The following NKAIN2 variants were observed in gnomAD, a reference collection of about 807,000 sequenced individuals.
NKAIN2 encodes the protein sodium/potassium transporting ATPase interacting 2.
In NKAIN2, 14 loss-of-function variants were observed where a neutral mutation model predicts 32.6. The ratio of observed to expected loss-of-function variants is 0.43; its 90% CI spans 0.28 to 0.67. NKAIN2 has a LOEUF of 0.67. Ranked by LOEUF, NKAIN2 falls within the 30% of genes least tolerant of loss-of-function variation. The pLI is 0.17. For missense variants in NKAIN2, 198 were observed against 258.3 expected, an observed-to-expected ratio of 0.77 and a Z score of 1.60; for synonymous variants, 80 against 87.2, an observed-to-expected ratio of 0.92 and a Z score of 0.46.
chr6:124,654,318 GTAAT>G (rs893070608), intron 3 of NKAIN2, among the ~76,000 whole-genome samples: 14 of 151,894 alleles, frequency 9.2e-5, no homozygotes, highest in Non-Finnish European at 2.9e-5. Context: ...GATTTTCTAA[GTAAT>G]AAATAATATA....
At chr6:124,152,779 G>A (rs1057402598) in intron 1 of NKAIN2, among the ~76,000 whole-genome samples, 1 of 151,936 alleles carries the variant, frequency 6.6e-6, no homozygotes, top group Non-Finnish European at 1.5e-5. Context: ...TGGATGAATG[G>A]AAATAGAAAA....
intron 3 of NKAIN2, among the ~76,000 whole-genome samples, chr6:124,533,959 T>C (rs1337223585): frequency 6.6e-6 from 1 of 152,018 alleles, no homozygotes; most frequent in Non-Finnish European, 1.5e-5. Context: ...TTCATGAGGA[T>C]TTCACCATCA....
At chr6:124,544,687 G>C (rs1329546928) in intron 3 of NKAIN2, among the ~76,000 whole-genome samples, 1 of 151,922 alleles carries the variant, frequency 6.6e-6, no homozygotes. Context: ...GATGATGTCT[G>C]ATTAAATACA....
At chr6:124,037,865 G>A (rs554389355) in intron 1 of NKAIN2, among the ~76,000 whole-genome samples, 20 of 152,242 alleles carry the variant, frequency 1.3e-4, no homozygotes, top group African/African-American at 4.6e-4. Context: ...AAAGCGGAAA[G>A]GTAGTATAAG....
At chr6:124,174,822 G>A (rs2114516594) in intron 1 of NKAIN2, among the ~76,000 whole-genome samples, 1 of 152,272 alleles carries the variant, frequency 6.6e-6, no homozygotes. Flanking sequence ...GGAAAAAATA[G>A]TTTAGTGACA....
At chr6:124,660,043 G>T (rs1451342142) in intron 4 of NKAIN2, among the ~76,000 whole-genome samples, 5 of 152,038 alleles carry the variant, frequency 3.3e-5, no homozygotes, top group African/African-American at 1.2e-4. Context: ...GATGGAAGTA[G>T]CCATTTCATT....
intron 1 of NKAIN2, among the ~76,000 whole-genome samples, chr6:124,003,198 A>C (rs146357641): frequency 2.3e-4 from 35 of 152,370 alleles, no homozygotes; most frequent in African/African-American, 7.9e-4. Flanking sequence ...AAGTGGTAAC[A>C]TTGGGGATGG....
chr6:123,993,165 T>A (rs1779483342), intron 1 of NKAIN2, among the ~76,000 whole-genome samples: 1 of 152,222 alleles, frequency 6.6e-6, no homozygotes, highest in East Asian at 1.9e-4. Flanking sequence ...ATTAACTTTC[T>A]TAATAGAATT....
intron 2 of NKAIN2, among the ~76,000 whole-genome samples, chr6:124,348,728 A>C (rs1453417403): frequency 6.6e-6 from 1 of 152,180 alleles, no homozygotes; most frequent in Non-Finnish European, 1.5e-5. Flanking sequence ...CTCACTAGGG[A>C]GTGCCAGACA....
chr6:124,515,092 T>C (rs1284964054), intron 3 of NKAIN2, among the ~76,000 whole-genome samples: 1 of 152,162 alleles, frequency 6.6e-6, no homozygotes, highest in African/African-American at 2.4e-5. Flanking sequence ...AGCACAGATA[T>C]TTCAGAGAGA....
chr6:124,033,761 T>G (rs1562320320), intron 1 of NKAIN2, among the ~76,000 whole-genome samples: 1 of 152,158 alleles, frequency 6.6e-6, no homozygotes, highest in Non-Finnish European at 1.5e-5. Flanking sequence ...ATGCACTGAA[T>G]GCATGGTCTT....
chr6:124,813,157 T>G (rs1780983701), intron 5 of NKAIN2, among the ~76,000 whole-genome samples: 1 of 152,084 alleles, frequency 6.6e-6, no homozygotes, highest in African/African-American at 2.4e-5. Flanking sequence ...ATGAACTAAA[T>G]CTTGAAGGAT....
At position 123,878,150 on chromosome 6, in the gene NKAIN2, C is replaced by T. The variant is rs575052885; in HGVS notation, c.54+73896C>T. On this transcript the variant is annotated intron_variant, in intron 1 of 6. Coordinates refer to ENST00000368417, the MANE Select transcript of NKAIN2 (RefSeq NM_001040214.3). ...CTGATGCAGGAGAATTGCTTGAACC[C>T]GGGAGGCGGAGGTTGTGGTGAGCTG... Among the ~76,000 whole-genome samples the T allele has an allele frequency of 1.8e-4, 28 of 151,790 alleles. No homozygotes were observed. In the South Asian group the frequency reaches 5.4e-3, roughly 29 times the overall value.
At chr6:124,305,030 A>G (rs533580984) in intron 2 of NKAIN2, among the ~76,000 whole-genome samples, 14 of 152,240 alleles carry the variant, frequency 9.2e-5, no homozygotes, top group Non-Finnish European at 1.8e-4. Flanking sequence ...GGAATCCGAG[A>G]TGATGAAGGA....
At chr6:123,957,778 C>A (rs1488538077) in intron 1 of NKAIN2, among the ~76,000 whole-genome samples, 1 of 151,968 alleles carries the variant, frequency 6.6e-6, no homozygotes, top group Admixed American at 6.6e-5. Context: ...CCCAAAAAAT[C>A]TTTGTTTCTT....
intron 4 of NKAIN2, among the ~76,000 whole-genome samples, chr6:124,745,624 T>C (rs543703704): frequency 6.6e-6 from 1 of 151,644 alleles, no homozygotes; most frequent in Non-Finnish European, 1.5e-5. Flanking sequence ...TTCGCTGAGA[T>C]CTCTGTTTAA....
At chr6:124,776,311 T>C (rs1267681521) in intron 4 of NKAIN2, among the ~76,000 whole-genome samples, 3 of 152,178 alleles carry the variant, frequency 2.0e-5, no homozygotes, top group Non-Finnish European at 4.4e-5. Context: ...TTGCTGACAG[T>C]ACCATGCTTG....
intron 4 of NKAIN2, among the ~76,000 whole-genome samples, chr6:124,778,551 TAAG>T (rs1293384980): frequency 6.6e-6 from 1 of 151,924 alleles, no homozygotes; most frequent in Non-Finnish European, 1.5e-5. Context: ...AAAGAGAAAG[TAAG>T]AACTGATGAT....
At chr6:124,135,911 T>C (rs1786759238) in intron 1 of NKAIN2, among the ~76,000 whole-genome samples, 1 of 152,024 alleles carries the variant, frequency 6.6e-6, no homozygotes, top group Non-Finnish European at 1.5e-5. Context: ...TAGCATTAAA[T>C]GCCTACATCA....
Sources: gnomAD v4.1 joint callset for allele counts (sites outside exome capture counted in the v4.1 genomes callset) on GRCh38, gnomAD v4.1.1 for gene constraint, MANE v1.5 for transcripts, NCBI Gene and HGNC (gene_info 2026-07-23, HGNC 2026-07-21) for gene names.